Variants in EPHA3 observed in about 807,000 individuals in gnomAD.
EPHA3 encodes EPH receptor A3, also known as ephrin type-A receptor 3.
EPHA3 carries 42 observed loss-of-function variants against 107.1 expected under a neutral mutation model. The ratio of observed to expected loss-of-function variants is 0.39; its 90% CI spans 0.31 to 0.51. The LOEUF is 0.51. Ranked by LOEUF, EPHA3 falls within the 20% of genes least tolerant of loss-of-function variation. The pLI is 0.78. For missense variants in EPHA3, 1,183 were observed against 1,211.2 expected (o/e 0.98, Z 0.35); for synonymous variants, 461 against 424.8 (o/e 1.09, Z -1.05).
chr3:89,259,915 A>G (rs1705375240), intron 3 of EPHA3, among the ~76,000 whole-genome samples: 1 of 152,096 alleles, frequency 6.6e-6, no homozygotes, highest in Non-Finnish European at 1.5e-5. Flanking sequence ...AGATCATACA[A>G]TATTTTTCTT....
intron 3 of EPHA3, among the ~76,000 whole-genome samples, chr3:89,340,086 T>C (rs1707483467): frequency 6.6e-6 from 1 of 152,218 alleles, no homozygotes; most frequent in Non-Finnish European, 1.5e-5. Flanking sequence ...GAGGCAGTTT[T>C]AGGCATATCT....
At chr3:89,134,719 C>T (rs957667443) in intron 2 of EPHA3, among the ~76,000 whole-genome samples, 2 of 152,156 alleles carry the variant, frequency 1.3e-5, no homozygotes, top group African/African-American at 4.8e-5. Context: ...CCCTTGTCTC[C>T]TGTGCAAAAT....
At chr3:89,228,303 T>C (rs1202275030) in intron 3 of EPHA3, among the ~76,000 whole-genome samples, 1 of 151,912 alleles carries the variant, frequency 6.6e-6, no homozygotes, top group South Asian at 2.1e-4. Context: ...TTGAAGATGA[T>C]ATAGTGTTCC....
intron 3 of EPHA3, among the ~76,000 whole-genome samples, chr3:89,288,407 T>A (rs1281419160): frequency 6.6e-6 from 1 of 152,266 alleles, no homozygotes; most frequent in East Asian, 1.9e-4. Context: ...GCCACTTCTA[T>A]AGACTTCACC....
chr3:89,356,457 A>C (rs1468887376), intron 5 of EPHA3, among the ~76,000 whole-genome samples: 3 of 151,242 alleles, frequency 2.0e-5, no homozygotes, highest in African/African-American at 4.8e-5. Flanking sequence ...CCAACAGTGT[A>C]AAAGTGTTCC....
chr3:89,191,316 AT>A (rs945443457), intron 2 of EPHA3, among the ~76,000 whole-genome samples: 10 of 149,442 alleles, frequency 6.7e-5, no homozygotes, highest in Middle Eastern at 3.5e-3. Context: ...TTATTTTTTT[AT>A]TTTTTTTGAG....
At chr3:89,375,774 A>G (rs1246480967) in intron 5 of EPHA3, among the ~76,000 whole-genome samples, 1 of 151,952 alleles carries the variant, frequency 6.6e-6, no homozygotes, top group Non-Finnish European at 1.5e-5. Flanking sequence ...TTGTACAGAC[A>G]CAAACAAAAT....
chr3:89,226,426 G>T (rs905815915), intron 3 of EPHA3, among the ~76,000 whole-genome samples: 1 of 152,110 alleles, frequency 6.6e-6, no homozygotes, highest in Non-Finnish European at 1.5e-5. Context: ...TATCTAGAAA[G>T]TCTTTTTCCT....
intron 5 of EPHA3, among the ~76,000 whole-genome samples, chr3:89,365,180 G>T (rs983730413): frequency 6.6e-6 from 1 of 150,738 alleles, no homozygotes; most frequent in African/African-American, 2.4e-5. Context: ...TGGGGTTTGA[G>T]GTGGACAATA....
In EPHA3 at chr3:89,323,091, C is replaced by G. The variant is rs80320439; in HGVS notation, c.815-17825C>G. 4.4e-3 allele frequency among the ~76,000 whole-genome samples: 663 copies of G among 152,070 alleles called. 3 individuals are homozygous for G. The highest frequency in any genetic ancestry group is 0.01 in the Middle Eastern group (3 of 294). On this transcript the variant is annotated intron_variant, in intron 3 of 16. Transcript: ENST00000336596. ...GAAAAAGCAAATGTCCAATACATCT[C>G]CAAAAGTAGAAGACTAAGTAAAGGC...
chr3:89,352,902 CAAA>C (rs1215369952), intron 5 of EPHA3, among the ~76,000 whole-genome samples: 1 of 41,020 alleles, frequency 2.4e-5, no homozygotes, highest in Non-Finnish European at 5.1e-5. Context: ...GACTCTGTCT[CAAA>C]AAAAAAAAAA....
At chr3:89,278,131 T>A (rs2107309530) in intron 3 of EPHA3, among the ~76,000 whole-genome samples, 2 of 152,328 alleles carry the variant, frequency 1.3e-5, no homozygotes, top group Middle Eastern at 3.4e-3. Context: ...AATACTTTTC[T>A]TTTGGAGAAG....
chr3:89,456,772 T>C (rs1710106310), intron 15 of EPHA3, among the ~76,000 whole-genome samples: 2 of 152,204 alleles, frequency 1.3e-5, no homozygotes, highest in Admixed American at 1.3e-4. Context: ...AATTGATTGC[T>C]TTTTCTAAAA....
intron 13 of EPHA3, among the ~76,000 whole-genome samples, chr3:89,445,034 G>A (rs1709853995): frequency 6.6e-6 from 1 of 152,158 alleles, no homozygotes; most frequent in South Asian, 2.1e-4. Flanking sequence ...GGTAGGTGGA[G>A]GTGGGAAAAT....
At chr3:89,315,303 G>A (rs1279425943) in intron 3 of EPHA3, among the ~76,000 whole-genome samples, 2 of 151,726 alleles carry the variant, frequency 1.3e-5, no homozygotes, top group Admixed American at 1.3e-4. Flanking sequence ...TGCCTACAAA[G>A]ATGAAGGTGA....
intron 5 of EPHA3, among the ~76,000 whole-genome samples, chr3:89,363,549 G>T (rs531906176): frequency 4.0e-5 from 6 of 150,712 alleles, no homozygotes; most frequent in African/African-American, 1.5e-4. Context: ...AAAGTGTGCC[G>T]ATTTAAATGT....
chr3:89,181,184 G>C (rs1178285141), intron 2 of EPHA3, among the ~76,000 whole-genome samples: 1 of 151,814 alleles, frequency 6.6e-6, no homozygotes, highest in African/African-American at 2.4e-5. Context: ...TACTTTTTGA[G>C]CATTTCAGTG....
intron 2 of EPHA3, among the ~76,000 whole-genome samples, chr3:89,165,949 G>C (rs1705052011): frequency 6.6e-6 from 1 of 152,188 alleles, no homozygotes; most frequent in Non-Finnish European, 1.5e-5. Context: ...CCTATGGTTT[G>C]TTTTAGATGC....
chr3:89,320,571 A>C (rs1707019111), intron 3 of EPHA3, among the ~76,000 whole-genome samples: 1 of 149,188 alleles, frequency 6.7e-6, no homozygotes, highest in African/African-American at 2.5e-5. Context: ...CTAGGATATG[A>C]GATTTTAAAT....
Sources: gnomAD v4.1 joint callset for allele counts (sites outside exome capture counted in the v4.1 genomes callset) on GRCh38, gnomAD v4.1.1 for gene constraint, MANE v1.5 for transcripts, NCBI Gene and HGNC (gene_info 2026-07-23, HGNC 2026-07-21) for gene names.